Variants in C12orf42 observed in about 807,000 individuals in gnomAD.
The protein encoded by C12orf42 is chromosome 12 open reading frame 42, also known as uncharacterized protein C12orf42.
In C12orf42, 25 loss-of-function variants were observed where a neutral mutation model predicts 21.6. That is an observed-to-expected ratio of 1.16 (90% CI 0.84 to 1.62). C12orf42 has a LOEUF of 1.62. C12orf42 is among the 40% of genes most tolerant of loss of function. The probability of loss-of-function intolerance (pLI) is 0.00; values close to 1 mark genes in which losing one functional copy is unlikely to be tolerated. For synonymous variants in C12orf42, 174 were observed against 175.0 expected, an observed-to-expected ratio of 0.99 and a Z score of 0.05; for missense variants, 483 against 459.3, an observed-to-expected ratio of 1.05 and a Z score of -0.47.
intron 1 of C12orf42, among the ~76,000 whole-genome samples, chr12:103,486,532 A>G (rs1260292558): frequency 6.6e-6 from 1 of 152,110 alleles, no homozygotes; most frequent in East Asian, 1.9e-4. Flanking sequence ...TTCAGAAGGA[A>G]TGGTACCAGT....
chr12:103,198,424 G>A, the C12orf42 span, among the ~76,000 whole-genome samples: 105 of 152,244 alleles, frequency 6.9e-4, no homozygotes, highest in African/African-American at 2.4e-3. Context: ...CCAGACTGAC[G>A]CCACTCCACA....
the C12orf42 span, among the ~76,000 whole-genome samples, chr12:103,175,007 G>C: frequency 1.3e-5 from 2 of 152,120 alleles, no homozygotes; most frequent in Admixed American, 6.6e-5. Flanking sequence ...CAAATCAGTA[G>C]CACAAATAAA....
the C12orf42 span, among the ~76,000 whole-genome samples, chr12:103,114,834 A>C: frequency 2.6e-5 from 4 of 152,186 alleles, no homozygotes; most frequent in South Asian, 8.3e-4. Context: ...CCACCCAGGG[A>C]CAGTGGCTCA....
intron 4 of C12orf42, among the ~76,000 whole-genome samples, chr12:103,311,376 C>T (rs890977880): frequency 3.3e-5 from 5 of 151,642 alleles, no homozygotes; most frequent in East Asian, 1.9e-4. Flanking sequence ...AGAAGTGATC[C>T]TTTTAAGACT....
chr12:103,391,005 A>G (rs904408125), intron 3 of C12orf42, among the ~76,000 whole-genome samples: 1 of 152,220 alleles, frequency 6.6e-6, no homozygotes, highest in African/African-American at 2.4e-5. Flanking sequence ...TAGCCCAATC[A>G]AGTTGGCACA....
the C12orf42 span, among the ~76,000 whole-genome samples, chr12:103,118,772 T>TAAAA: frequency 1.9e-3 from 80 of 41,648 alleles, 2 homozygotes; most frequent in East Asian, 7.9e-3. Flanking sequence ...CACTCCAGCC[T>TAAAA]AAAAAAAAAA....
the C12orf42 span, among the ~76,000 whole-genome samples, chr12:103,180,312 C>A: frequency 6.6e-6 from 1 of 151,980 alleles, no homozygotes; most frequent in Non-Finnish European, 1.5e-5. Context: ...AGGAAAAAAA[C>A]ATGTCTGAAA....
intron 4 of C12orf42, among the ~76,000 whole-genome samples, chr12:103,351,090 G>A (rs2137456718): frequency 6.6e-6 from 1 of 152,114 alleles, no homozygotes; most frequent in Admixed American, 6.5e-5. Context: ...CCTTCCCCTA[G>A]AAAATAAGCT....
intron 2 of C12orf42, among the ~76,000 whole-genome samples, chr12:103,412,087 C>T (rs76953187): frequency 1.1e-3 from 162 of 152,224 alleles, no homozygotes; most frequent in African/African-American, 3.4e-3. Flanking sequence ...GCAACCAAGG[C>T]GGCAAAACAC....
chr12:103,225,670 G>T, the C12orf42 span, among the ~76,000 whole-genome samples: 1 of 152,132 alleles, frequency 6.6e-6, no homozygotes, highest in African/African-American at 2.4e-5. Context: ...AACTGGGCAG[G>T]TGGGGATAAC....
the C12orf42 span, chr12:103,559,492 T>C: frequency 6.9e-6 from 1 of 144,882 alleles, no homozygotes; most frequent in South Asian, 2.2e-4. Flanking sequence ...CTGAGTCCTG[T>C]GAGTTCTAGC....
the C12orf42 span, among the ~76,000 whole-genome samples, chr12:103,165,716 C>T: frequency 6.6e-6 from 1 of 152,152 alleles, no homozygotes; most frequent in African/African-American, 2.4e-5. Flanking sequence ...CCTTAAGAAG[C>T]TTATAATCTG....
the C12orf42 span, among the ~76,000 whole-genome samples, chr12:103,546,237 T>A: frequency 8.5e-5 from 13 of 152,358 alleles, no homozygotes; most frequent in East Asian, 2.5e-3. Flanking sequence ...CTAACTTCTT[T>A]AAGTGGCAAA....
chr12:103,179,655 C>T, the C12orf42 span, among the ~76,000 whole-genome samples: 2 of 152,140 alleles, frequency 1.3e-5, no homozygotes, highest in Non-Finnish European at 2.9e-5. Flanking sequence ...CAGGGAACCA[C>T]TGAAAGGCCA....
At chr12:103,398,825 C>A (rs2047746658) in intron 3 of C12orf42, among the ~76,000 whole-genome samples, 1 of 151,938 alleles carries the variant, frequency 6.6e-6, no homozygotes, top group Admixed American at 6.6e-5. Context: ...ACGGGCCTAC[C>A]CTTGAGCAAA....
chr12:103,315,503 C>T (rs187628852), intron 4 of C12orf42, among the ~76,000 whole-genome samples: 58 of 152,096 alleles, frequency 3.8e-4, no homozygotes, highest in Middle Eastern at 6.8e-3. Context: ...CAGGTCAATA[C>T]GAACTTCCCA....
chr12:103,388,573 AG>A (rs1339684210), intron 3 of C12orf42, among the ~76,000 whole-genome samples: 5 of 152,206 alleles, frequency 3.3e-5, no homozygotes, highest in East Asian at 3.9e-4. Context: ...TGGGTACACA[AG>A]TTTGTTATAG....
chr12:103,067,604 C>A, the C12orf42 span, among the ~76,000 whole-genome samples: 1 of 152,162 alleles, frequency 6.6e-6, no homozygotes, highest in Non-Finnish European at 1.5e-5. Context: ...AGTGGCACCA[C>A]TCACCATCAT....
chr12:103,174,734 T>A, the C12orf42 span, among the ~76,000 whole-genome samples: 1 of 152,176 alleles, frequency 6.6e-6, no homozygotes, highest in Non-Finnish European at 1.5e-5. Context: ...CTAGAAAGCA[T>A]ACCTAATTCA....
Sources: gnomAD v4.1 joint callset for allele counts (sites outside exome capture counted in the v4.1 genomes callset) on GRCh38, gnomAD v4.1.1 for gene constraint, MANE v1.5 for transcripts, NCBI Gene and HGNC (gene_info 2026-07-23, HGNC 2026-07-21) for gene names.